NPM1: variants seen among roughly 807,000 people sequenced by gnomAD.
NPM1 encodes nucleophosmin 1, also known as nucleophosmin.
Under a neutral mutation model 44.1 loss-of-function variants are expected in NPM1, and 1 was observed. The ratio of observed to expected loss-of-function variants is 0.02; its 90% CI spans 0.01 to 0.11. The LOEUF (loss-of-function observed/expected upper bound fraction) is 0.11, where lower values mean the gene tolerates loss of function less well. Ranked by LOEUF, NPM1 falls within the 10% of genes least tolerant of loss-of-function variation. The pLI, the probability that NPM1 is intolerant of heterozygous loss-of-function variation, is 1.00. For synonymous variants in NPM1, 126 were observed against 111.8 expected (o/e 1.13, Z -0.80); for missense variants, 197 against 347.8 (o/e 0.57, Z 3.45).
rs1476856200 is a variant in NPM1, at chr5:171,392,978, A to C, written c.524A>C (p.Asp175Ala). The C allele has an allele frequency of 6.2e-7, 1 of 1,609,360 alleles. No homozygotes were observed. Among genetic ancestry groups the C allele is most frequent in the Admixed American group, 1.7e-5 (1 of 59,850 alleles). Residue 175 changes from aspartate to alanine, a missense_variant and splice_region_variant, in exon 6 of 11, where the codon GAT (aspartate) becomes GCT (alanine). This residue lies in a region of NPM1 where 91 missense variants were observed against 94.0 expected (regional missense o/e 0.97). Transcript: ENST00000296930. ...DDDDEEDDDEDDDDDDFDDEE... is the reference protein window; with the variant it reads ...DDDDEEDDDEADDDDDFDDEE... ...GATGATGAAGAGGATGATGATGAAG[A>C]GTAAGTATGATTTTAGAAACTTGAT...
Position 171,391,286 on chromosome 5 carries a change from A to AT in NPM1, c.139-9dup, listed in dbSNP as rs752582321. ...GGTGGAACTCAAAAGTTGAAGTAGT[A>AT]TTTTTTTTTTGTTCACAGGTCAGTT... On this transcript the variant is annotated intron_variant, in intron 2 of 10. Transcript: ENST00000296930. The AT allele has an allele frequency of 2.3e-3, 3,107 of 1,356,868 alleles. No individual in the cohort carries two copies. The highest frequency in any genetic ancestry group is 5.7e-3 in the South Asian group (413 of 72,254). The allele number at this position is 1,356,868 out of a possible 1,614,324, so 84.1% of individuals were successfully genotyped here.
rs1357480300 is a variant in NPM1, at chr5:171,388,079, A to G, written c.58+73A>G. ...GGTGAGGGTGGGGGTGAGGGGCGGG[A>G]ATCCGGCTGCAACCGGGTCTGGTGG... On this transcript the variant is annotated intron_variant, in intron 1 of 10. Coordinates refer to ENST00000296930, the MANE Select transcript of NPM1 (RefSeq NM_002520.7). 2.6e-6 allele frequency: 3 copies of G among 1,140,484 alleles called. No individual in the cohort carries two copies. In the East Asian group the frequency reaches 7.4e-5, roughly 28 times the overall value. The allele number at this position is 1,140,484 out of a possible 1,614,324, so 70.6% of individuals were successfully genotyped here.
chr5:171,388,074 G>A, intron 1 of NPM1, 68 bp downstream of exon 1: 1 of 1,219,908 alleles, frequency 8.2e-7, no homozygotes, highest in Non-Finnish European at 1.2e-6. Context: ...GGGGTGAGGG[G>A]CGGGAATCCG....
At chr5:171,391,986 C>G (rs543744084) in intron 4 of NPM1, among the ~76,000 whole-genome samples, 187 bp downstream of exon 4, 127 of 152,152 alleles carry the variant, frequency 8.3e-4, no homozygotes, top group African/African-American at 2.7e-3. Flanking sequence ...TGCTGTCACC[C>G]AGGCTAGAGT....
chr5:171,409,240 CT>C (rs1478855493), intron 10 of NPM1, among the ~76,000 whole-genome samples: 3 of 152,136 alleles, frequency 2.0e-5, no homozygotes, highest in Admixed American at 2.0e-4. Context: ...AAACTAAATG[CT>C]TCCTGTTTTT....
chr5:171,406,258 C>A, intron 9 of NPM1: 4 of 751,818 alleles, frequency 5.3e-6, no homozygotes, highest in South Asian at 4.9e-5. Context: ...GAACATATTT[C>A]TTTTAGTCAC....
chr5:171,399,417 A>G (rs57232631), intron 6 of NPM1, among the ~76,000 whole-genome samples: 61,452 of 151,852 alleles, frequency 0.4, 12,444 homozygotes, highest in East Asian at 0.55. Flanking sequence ...GCTAATTAAA[A>G]ATTTTTTTTG....
intron 1 of NPM1, among the ~76,000 whole-genome samples, chr5:171,388,302 G>A (rs561792581): frequency 3.3e-5 from 5 of 152,210 alleles, no homozygotes; most frequent in African/African-American, 4.8e-5. Flanking sequence ...TTCGGCCTTT[G>A]CCGGGGATAC....
At chr5:171,405,457 C>A in intron 9 of NPM1, 54 bp downstream of exon 9, 2 of 781,410 alleles carry the variant, frequency 2.6e-6, no homozygotes, top group South Asian at 3.1e-5. Context: ...TTGCACGTGT[C>A]TGGTTTGCAT....
intron 6 of NPM1, among the ~76,000 whole-genome samples, chr5:171,397,713 TC>T (rs1490099369): frequency 6.6e-6 from 1 of 152,188 alleles, no homozygotes; most frequent in African/African-American, 2.4e-5. Flanking sequence ...GCCAGGCTGT[TC>T]TTAAACTCCT....
chr5:171,407,809 A>G (rs773564143), intron 10 of NPM1, 35 bp downstream of exon 10: 24 of 1,346,476 alleles, frequency 1.8e-5, no homozygotes, highest in East Asian at 9.2e-5. Flanking sequence ...ATTAAATCCA[A>G]GTTTTTTTGT....
chr5:171,393,557 T>C (rs1770708080), intron 6 of NPM1, among the ~76,000 whole-genome samples: 1 of 152,234 alleles, frequency 6.6e-6, no homozygotes, highest in African/African-American at 2.4e-5. Flanking sequence ...AAACAGTTAA[T>C]ACGCACACTG....
In NPM1 at chr5:171,387,896, G is replaced by A; in HGVS notation, c.-53G>A. 1 of 1,564,424 alleles carries A rather than the reference G, an allele frequency of 6.4e-7. No individual in the cohort carries two copies. The highest frequency in any genetic ancestry group is 1.1e-5 in the South Asian group (1 of 89,894). On this transcript the variant is annotated 5_prime_UTR_variant, in exon 1 of 11. Coordinates refer to ENST00000296930, the MANE Select transcript of NPM1 (RefSeq NM_002520.7). ...CTGCGCGGTTGTTCTCTGGAGCAGCGTTCTTTTATCTCCGTCCGCCTTCTC... is the reference window on the plus strand; with the variant it reads ...CTGCGCGGTTGTTCTCTGGAGCAGCATTCTTTTATCTCCGTCCGCCTTCTC...
At chr5:171,409,791 G>A (rs960522010) in intron 10 of NPM1, among the ~76,000 whole-genome samples, 3 of 150,908 alleles carry the variant, frequency 2.0e-5, no homozygotes, top group African/African-American at 7.3e-5. Flanking sequence ...ACAGGCATGA[G>A]CCACCATGCC....
chr5:171,396,087 C>T lies in NPM1; in HGVS notation c.524+3109C>T, dbSNP rs563539149. On this transcript the variant is annotated intron_variant, in intron 6 of 10. Coordinates refer to ENST00000296930, the MANE Select transcript of NPM1 (RefSeq NM_002520.7). ...TTCTGCCTCCCGGGTTCAAGTGATT[C>T]TCCTGCCTCAGCCTCCCAAGTAGCT... 4.6e-4 allele frequency among the ~76,000 whole-genome samples: 69 copies of T among 151,602 alleles called. 1 individual carries two copies. The highest frequency in any genetic ancestry group is 1.6e-3 in the African/African-American group (66 of 41,334).
intron 8 of NPM1, among the ~76,000 whole-genome samples, chr5:171,403,741 C>T (rs1266552579): frequency 1.7e-4 from 24 of 143,430 alleles, no homozygotes; most frequent in Non-Finnish European, 1.6e-5. Context: ...GGGGGCTGAC[C>T]CCCCCACCTC....
Position 171,387,854 on chromosome 5 carries a change from C to T in NPM1, c.-95C>T, listed in dbSNP as rs909954965. 1.5e-4 allele frequency: 178 copies of T among 1,182,786 alleles called. No individual in the cohort carries two copies. Among genetic ancestry groups the T allele is most frequent in the Middle Eastern group, 2.7e-4 (1 of 3,642 alleles). The allele number at this position is 1,182,786 out of a possible 1,614,324, so 73.3% of individuals were successfully genotyped here. A position where few individuals can be genotyped will look rare whatever the true frequency, so the allele number is the denominator to read the frequency against. On this transcript the variant is annotated 5_prime_UTR_variant, in exon 1 of 11. Coordinates refer to ENST00000296930, the MANE Select transcript of NPM1 (RefSeq NM_002520.7). The stretch of plus-strand genomic sequence containing the variant: ...AAGCGCGGGGAGCCTGCGTCCTTTC[C>T]CTGGTGTGATTCCGTCCTGCGCGGT...
intron 1 of NPM1, among the ~76,000 whole-genome samples, chr5:171,388,558 C>T (rs1031954246): frequency 1.3e-5 from 2 of 150,604 alleles, no homozygotes; most frequent in African/African-American, 4.9e-5. Flanking sequence ...CGTGAGGAGG[C>T]CGCAACCGCT....
chr5:171,391,173 A>G (rs1410638233), intron 2 of NPM1, 132 bp from the exon 3 acceptor site: 3 of 1,021,928 alleles, frequency 2.9e-6, no homozygotes, highest in Middle Eastern at 3.3e-4. Context: ...CAAAGATGAA[A>G]TTGTCTAACA....
Sources: gnomAD v4.1 joint callset for allele counts (sites outside exome capture counted in the v4.1 genomes callset) on GRCh38, gnomAD v4.1.1 for gene constraint, gnomAD v4.1.1 regional missense constraint, MANE v1.5 for transcripts, NCBI Gene and HGNC (gene_info 2026-07-23, HGNC 2026-07-21) for gene names.